The following MBTPS1 variants were observed in gnomAD, a reference collection of about 807,000 sequenced individuals.
MBTPS1 encodes membrane bound transcription factor peptidase, site 1.
In MBTPS1, 94 loss-of-function variants were observed where a neutral mutation model predicts 127.8. The observed-to-expected ratio is 0.74, with a 90% CI of 0.62 to 0.87. The LOEUF is 0.87. Among genes scored for constraint, MBTPS1 ranks in the 40% least tolerant of loss-of-function variants. MBTPS1 has a pLI of 0.00. For missense variants in MBTPS1, 1,636 were observed against 1,353.2 expected, an observed-to-expected ratio of 1.21 and a Z score of -3.28; for synonymous variants, 632 against 509.4, an observed-to-expected ratio of 1.24 and a Z score of -3.24.
At chr16:84,065,289 T>A (rs964055864) in intron 18 of MBTPS1, among the ~76,000 whole-genome samples, 2 of 152,170 alleles carry the variant, frequency 1.3e-5, no homozygotes, top group African/African-American at 4.8e-5. Flanking sequence ...GGCTAAATTT[T>A]TGTATTTTTA....
intron 17 of MBTPS1, 110 bp downstream of exon 17, chr16:84,066,378 CT>C: frequency 8.6e-7 from 1 of 1,168,264 alleles, no homozygotes; most frequent in Non-Finnish European, 1.2e-6. Flanking sequence ...TTTCCACAGA[CT>C]CCAGCTAACT....
chr16:84,091,662 A>G, intron 7 of MBTPS1, 70 bp downstream of exon 7: 1 of 1,006,966 alleles, frequency 9.9e-7, no homozygotes. Flanking sequence ...CACACTAGAT[A>G]TGATGCAAAG....
At position 84,096,714 on chromosome 16, in the gene MBTPS1, A is replaced by C. The variant is rs143996315; in HGVS notation, c.422-909T>G. ...ATGTTAAGTACAGGGACCTGGAAAC[A>C]CATACAGTCACGTCAATTCTGGTAA... On this transcript the variant is annotated intron_variant, in intron 3 of 22. Transcript: ENST00000343411. 3.0e-3 allele frequency among the ~76,000 whole-genome samples: 463 copies of C among 152,374 alleles called. 1 individual carries two copies. The highest frequency in any genetic ancestry group is 0.01 in the African/African-American group (424 of 41,582).
intron 1 of MBTPS1, among the ~76,000 whole-genome samples, chr16:84,107,187 G>A (rs541976801): frequency 1.3e-5 from 2 of 152,294 alleles, no homozygotes; most frequent in East Asian, 1.9e-4. Context: ...CAAAAGGAAG[G>A]TGGGCAAGCT....
At chr16:84,069,351 AG>A (rs1414930566) in intron 14 of MBTPS1, among the ~76,000 whole-genome samples, 1 of 152,190 alleles carries the variant, frequency 6.6e-6, no homozygotes, top group Non-Finnish European at 1.5e-5. Context: ...GGGTCACACC[AG>A]GGGGCTTGGC....
intron 1 of MBTPS1, among the ~76,000 whole-genome samples, chr16:84,109,011 C>T (rs996762853): frequency 6.6e-6 from 1 of 152,222 alleles, no homozygotes; most frequent in African/African-American, 2.4e-5. Flanking sequence ...CGTGTACGTG[C>T]TACACACATT....
intron 17 of MBTPS1, 104 bp downstream of exon 17, chr16:84,066,385 T>C (rs2085683183): frequency 8.1e-7 from 1 of 1,240,044 alleles, no homozygotes; most frequent in Non-Finnish European, 1.1e-6. Context: ...AGACTCCAGC[T>C]AACTGAGGGA....
chr16:84,103,751 G>A (rs997936993), intron 1 of MBTPS1, among the ~76,000 whole-genome samples: 4 of 152,066 alleles, frequency 2.6e-5, no homozygotes, highest in Non-Finnish European at 5.9e-5. Context: ...TCCAAAAAAC[G>A]TTTTTACTTT....
At chr16:84,114,157 T>G (rs954023521) in intron 1 of MBTPS1, among the ~76,000 whole-genome samples, 1 of 151,814 alleles carries the variant, frequency 6.6e-6, no homozygotes, top group Non-Finnish European at 1.5e-5. Context: ...GAGACGGGGT[T>G]TCACTGTGTT....
intron 3 of MBTPS1, among the ~76,000 whole-genome samples, chr16:84,098,522 A>C (rs755178198): frequency 7.0e-6 from 1 of 141,852 alleles, no homozygotes; most frequent in Middle Eastern, 3.7e-3. Context: ...AGGCAGGAGA[A>C]TCACTTGAAC....
Position 84,065,567 on chromosome 16 carries a change from T to A in MBTPS1, c.2431+123A>T, listed in dbSNP as rs576498911. The A allele has an allele frequency of 8.8e-5, 63 of 712,980 alleles. 1 individual carries two copies. In the South Asian group the frequency reaches 9.0e-4, roughly 10 times the overall value. The allele number at this position is 712,980 out of a possible 1,614,324, so 44.2% of individuals were successfully genotyped here. A position where few individuals can be genotyped will look rare whatever the true frequency, so the allele number is the denominator to read the frequency against. On this transcript the variant is annotated intron_variant, in intron 18 of 22. Transcript: ENST00000343411. ...CTTTAAAAGGGCAACTGTTATGGTA[T>A]GTAAATTATATGCAATAAAGCTTTT...
intron 2 of MBTPS1, among the ~76,000 whole-genome samples, chr16:84,100,152 C>A (rs1306780834): frequency 1.3e-5 from 2 of 152,214 alleles, no homozygotes; most frequent in African/African-American, 4.8e-5. Flanking sequence ...TGGCTCATGC[C>A]TATAATCCCA....
chr16:84,107,000 G>C (rs1334466219), intron 1 of MBTPS1, among the ~76,000 whole-genome samples: 4 of 152,184 alleles, frequency 2.6e-5, no homozygotes, highest in Non-Finnish European at 2.9e-5. Context: ...AAGCTGACTT[G>C]GGAGACACCA....
At chr16:84,065,805 C>T (rs753903559) in intron 17 of MBTPS1, 38 bp from the exon 18 acceptor site, 24 of 1,243,850 alleles carry the variant, frequency 1.9e-5, no homozygotes, top group South Asian at 8.4e-5. Flanking sequence ...AACACAGGAA[C>T]GCCGAACACT....
intron 3 of MBTPS1, among the ~76,000 whole-genome samples, chr16:84,098,015 C>T (rs892923849): frequency 1.3e-5 from 2 of 151,896 alleles, no homozygotes; most frequent in Non-Finnish European, 2.9e-5. Context: ...ATTTGTTAAC[C>T]TGATTTAAGA....
intron 1 of MBTPS1, among the ~76,000 whole-genome samples, chr16:84,115,574 G>C (rs1016657125): frequency 1.1e-4 from 17 of 152,230 alleles, no homozygotes; most frequent in African/African-American, 3.9e-4. Flanking sequence ...CCTGATTCAT[G>C]CTACAACATG....
chr16:84,064,306 C>G (rs1259690471), intron 18 of MBTPS1, among the ~76,000 whole-genome samples: 1 of 151,918 alleles, frequency 6.6e-6, no homozygotes, highest in African/African-American at 2.4e-5. Context: ...AAAAAATAGG[C>G]CATTCTTTGG....
Position 84,068,331 on chromosome 16 carries a change from C to G in MBTPS1, c.2071+8G>C. 3.2e-6 allele frequency: 5 copies of G among 1,569,886 alleles called. No homozygotes were observed. The highest frequency in any genetic ancestry group is 2.2e-5 in the East Asian group (1 of 44,676). On this transcript the variant is annotated splice_region_variant and intron_variant, in intron 15 of 22. Coordinates refer to ENST00000343411, the MANE Select transcript of MBTPS1 (RefSeq NM_003791.4). ...AGACCATCTGGCTAGCACAGCAGTGCCACTTACCATACTGACTGGCATCAA... is the reference window on the plus strand; with the variant it reads ...AGACCATCTGGCTAGCACAGCAGTGGCACTTACCATACTGACTGGCATCAA...
At chr16:84,076,127 G>A (rs1406783338) in intron 11 of MBTPS1, among the ~76,000 whole-genome samples, 1 of 152,098 alleles carries the variant, frequency 6.6e-6, no homozygotes, top group East Asian at 1.9e-4. Context: ...TCAATATTGG[G>A]AAACTCATTA....
Sources: allele counts gnomAD v4.1 joint callset (sites outside exome capture counted in the v4.1 genomes callset), GRCh38; gene constraint gnomAD v4.1.1; transcripts MANE v1.5; gene names NCBI Gene and HGNC (gene_info 2026-07-23, HGNC 2026-07-21).